DIDO1: variants seen among roughly 807,000 people sequenced by gnomAD.
DIDO1 encodes the protein death inducer-obliterator 1.
DIDO1 carries 16 observed loss-of-function variants against 99.4 expected under a neutral mutation model. That is an observed-to-expected ratio of 0.16 (90% CI 0.11 to 0.24). The LOEUF (loss-of-function observed/expected upper bound fraction) is 0.24, where lower values mean the gene tolerates loss of function less well. DIDO1 is among the 10% of genes least tolerant of loss of function. DIDO1 has a pLI of 1.00. For missense variants in DIDO1, 2,996 were observed against 3,014.0 expected, an observed-to-expected ratio of 0.99 and a Z score of 0.14; for synonymous variants, 1,366 against 1,239.1, an observed-to-expected ratio of 1.10 and a Z score of -2.15.
Position 62,879,478 on chromosome 20 carries a change from C to G in DIDO1, c.6478G>C (p.Glu2160Gln), listed in dbSNP as rs2064158655. Residue 2160 changes from glutamate (E) to glutamine (Q), a missense_variant, in exon 16 of 16, where the codon GAG (glutamate) becomes CAG (glutamine). Glu to Gln is a conservative substitution (Grantham distance 29). Coordinates refer to ENST00000395343, the MANE Select transcript of DIDO1 (RefSeq NM_001193369.2). The surrounding 1 kb of genome is among the most constrained non-coding windows in gnomAD (Gnocchi z 6.3). The part of the protein sequence containing the change: ...NRERSANRDR[E>Q]READRGKEWD... ...TCCTTGCCCCGGTCGGCCTCGCGCT[C>G]TCGGTCGCGGTTGGCGCTCCTCTCC... The G allele has an allele frequency of 6.3e-7, 1 of 1,583,158 alleles. No homozygotes were observed. The highest frequency in any genetic ancestry group is 8.5e-7 in the Non-Finnish European group (1 of 1,171,670).
chr20:62,902,696 C>G (rs2064710922), intron 6 of DIDO1, among the ~76,000 whole-genome samples: 1 of 152,256 alleles, frequency 6.6e-6, no homozygotes, highest in Non-Finnish European at 1.5e-5. Flanking sequence ...AGGGCCATCT[C>G]TGTGGCAGCA....
chr20:62,901,326 T>C (rs1172535597), intron 6 of DIDO1, among the ~76,000 whole-genome samples: 1 of 152,126 alleles, frequency 6.6e-6, no homozygotes, highest in Non-Finnish European at 1.5e-5. Context: ...TGGAGAGGTG[T>C]GTAATTCTCC....
At chr20:62,933,169 C>A (rs1185641177) in intron 1 of DIDO1, among the ~76,000 whole-genome samples, 1 of 152,208 alleles carries the variant, frequency 6.6e-6, no homozygotes. Context: ...CAAGATCGTG[C>A]CATTGCACTC....
Position 62,881,574 on chromosome 20 carries a change from G to A in DIDO1, c.4382C>T (p.Ala1461Val), listed in dbSNP as rs766320892. The change falls in exon 16 of 16, where the codon GCC (alanine) becomes GTC (valine). Residue 1461 changes from alanine to valine, a missense_variant. This residue lies in a region of DIDO1 where 1,562 missense variants were observed against 1,412.6 expected (regional missense o/e 1.11). Coordinates refer to ENST00000395343, the MANE Select transcript of DIDO1 (RefSeq NM_001193369.2). This position sits in a 1 kb window ranked among gnomAD's most constrained non-coding sequence, Gnocchi z 8.3. Reference protein sequence around the residue: ...DVRRNSVERPAEPVAGAATPS... With the variant: ...DVRRNSVERPVEPVAGAATPS... ...CGTCGCAGCCCCGGCCACCGGCTCGGCAGGCCTCTCCACGGAGTTCCTTCT... is the reference window on the plus strand; with the variant it reads ...CGTCGCAGCCCCGGCCACCGGCTCGACAGGCCTCTCCACGGAGTTCCTTCT... 1.2e-6 allele frequency: 2 copies of A among 1,611,242 alleles called. No individual in the cohort carries two copies. The highest frequency in any genetic ancestry group is 1.7e-6 in the Non-Finnish European group (2 of 1,180,014).
intron 15 of DIDO1, among the ~76,000 whole-genome samples, chr20:62,886,305 G>A (rs1405878546): frequency 1.7e-4 from 26 of 152,218 alleles, no homozygotes; most frequent in Admixed American, 1.7e-3. Flanking sequence ...CCCTCTGAAA[G>A]GCCAGAAGGC....
chr20:62,910,264 G>A (rs1032636914), intron 3 of DIDO1, among the ~76,000 whole-genome samples: 2 of 152,114 alleles, frequency 1.3e-5, no homozygotes, highest in African/African-American at 4.8e-5. Flanking sequence ...ACCTCAGCAA[G>A]TCTCCCCCCA....
intron 1 of DIDO1, among the ~76,000 whole-genome samples, chr20:62,924,113 T>C (rs1371228619): frequency 3.3e-5 from 5 of 152,246 alleles, no homozygotes; most frequent in Non-Finnish European, 7.3e-5. Context: ...TTCCATTAAC[T>C]GTTAATTATA....
At chr20:62,909,554 A>AC in intron 4 of DIDO1, 145 bp downstream of exon 4, 1 of 868,558 alleles carries the variant, frequency 1.2e-6, no homozygotes, top group Non-Finnish European at 1.8e-6. Context: ...GAAAGGCCTC[A>AC]CCCAGGTGGA....
chr20:62,898,214 A>G (rs1419576311), intron 6 of DIDO1, among the ~76,000 whole-genome samples: 1 of 152,228 alleles, frequency 6.6e-6, no homozygotes. Flanking sequence ...GGAAAGAGCC[A>G]AGACTCTACA....
chr20:62,893,443 G>A (rs183661852), intron 12 of DIDO1, among the ~76,000 whole-genome samples: 20 of 152,240 alleles, frequency 1.3e-4, no homozygotes, highest in African/African-American at 4.6e-4. Context: ...AAGTGAATAG[G>A]CAACAAAACT....
intron 1 of DIDO1, among the ~76,000 whole-genome samples, chr20:62,917,662 C>T (rs2065063461): frequency 6.6e-6 from 1 of 152,142 alleles, no homozygotes; most frequent in Non-Finnish European, 1.5e-5. Flanking sequence ...TATAACTTGA[C>T]ATTTAATCAC....
In DIDO1 at chr20:62,882,303, A is replaced by G. The variant is rs2064222944; in HGVS notation, c.3653T>C (p.Leu1218Pro). ...LDKMDEKRTR[L>P]QPEEADVPAY... Reference sequence around the variant, plus strand: ...CGGAACGTCCGCTTCTTCCGGTTGAAGTCGGGTCCGCTTTTCGTCCATCTT... The same window carrying G: ...CGGAACGTCCGCTTCTTCCGGTTGAGGTCGGGTCCGCTTTTCGTCCATCTT... Residue 1218 changes from leucine (L) to proline (P), a missense_variant, in exon 16 of 16, where the codon CTT becomes CCT. Physicochemically the swap from Leu to Pro is moderately conservative, Grantham distance 98. Transcript: ENST00000395343. 1 of 1,614,020 alleles carries G rather than the reference A, an allele frequency of 6.2e-7. No individual in the cohort carries two copies. Among genetic ancestry groups the G allele is most frequent in the Non-Finnish European group, 8.5e-7 (1 of 1,180,010 alleles).
intron 12 of DIDO1, among the ~76,000 whole-genome samples, chr20:62,893,252 C>G (rs1161867796): frequency 6.6e-6 from 1 of 152,186 alleles, no homozygotes; most frequent in Non-Finnish European, 1.5e-5. Flanking sequence ...TTTCAAACTC[C>G]TGGGCTCAAG....
In DIDO1 at chr20:62,911,708, CA is replaced by C. The variant is rs1481344863; in HGVS notation, c.-2-95del. On this transcript the variant is annotated intron_variant, in intron 2 of 15. Coordinates refer to ENST00000395343, the MANE Select transcript of DIDO1 (RefSeq NM_001193369.2). The surrounding 1 kb of genome is among the most constrained non-coding windows in gnomAD (Gnocchi z 7.0). ...ACGCGCAGCAGGGGCCACCTCCCTA[CA>C]AACAGTGGAGCTCTACATAAAGCAA... 1 of 1,129,520 alleles carries C rather than the reference CA, an allele frequency of 8.9e-7. No individual in the cohort carries two copies. Among genetic ancestry groups the C allele is most frequent in the Non-Finnish European group, 1.2e-6 (1 of 810,844 alleles). 70.0% of individuals were successfully genotyped at this position (1,129,520 alleles called of 1,614,324 possible).
intron 6 of DIDO1, among the ~76,000 whole-genome samples, chr20:62,902,894 G>A (rs575212273): frequency 6.6e-6 from 1 of 152,176 alleles, no homozygotes; most frequent in South Asian, 2.1e-4. Context: ...AGCCATTTAG[G>A]GAGACAAAAT....
In DIDO1 at chr20:62,906,036, T is replaced by C; in HGVS notation, c.1439A>G (p.Lys480Arg). ...CCGCGCAGGGACCACCACTGCCTTCTTCACTGTGGTCTCTTTTTTTTCTGG... is the reference window on the plus strand; with the variant it reads ...CCGCGCAGGGACCACCACTGCCTTCCTCACTGTGGTCTCTTTTTTTTCTGG... ...PAPEKKETTV[K>R]KAVVVPARSE... Residue 480 changes from lysine to arginine, a missense_variant, in exon 6 of 16, where the codon AAG becomes AGG. Transcript: ENST00000395343. 1.2e-6 allele frequency: 2 copies of C among 1,613,950 alleles called. No homozygotes were observed. Among genetic ancestry groups the C allele is most frequent in the Admixed American group, 1.7e-5 (1 of 60,036 alleles).
chr20:62,929,692 A>AAAAATATATATATATATAT, upstream of DIDO1, among the ~76,000 whole-genome samples: 11 of 63,710 alleles, frequency 1.7e-4, no homozygotes, highest in African/African-American at 6.9e-4. Context: ...AAAAAGAAAA[A>AAAAATATATATATATATAT]GTGTATATAT....
In DIDO1 at chr20:62,887,679, T is replaced by C. The variant is rs745660415; in HGVS notation, c.3541+3281A>G. The C allele has an allele frequency of 1.5e-3, 1,458 of 985,214 alleles. 1 individual carries two copies. The highest frequency in any genetic ancestry group is 1.6e-3 in the Non-Finnish European group (1,345 of 829,934). The allele number at this position is 985,214 out of a possible 1,614,324, so 61.0% of individuals were successfully genotyped here. ...AGGCATCTTGGCTGCGGTCCAGTCC[T>C]GTAAGGGCCCTGCACAGAACCCTAC... On this transcript the variant is annotated intron_variant, in intron 15 of 15. Coordinates refer to ENST00000395343, the MANE Select transcript of DIDO1 (RefSeq NM_001193369.2).
Position 62,880,505 on chromosome 20 carries a change from T to C in DIDO1, c.5451A>G (p.Pro1817=), listed in dbSNP as rs2064181474. 1.2e-6 allele frequency: 2 copies of C among 1,612,858 alleles called. No homozygotes were observed. Among genetic ancestry groups the C allele is most frequent in the Non-Finnish European group, 8.5e-7 (1 of 1,179,948 alleles). The part of the protein sequence containing the change: ...IPSLFSGQHG[P]PPYGDSRGPS... ...GGCCTCTGCTGTCCCCATAAGGAGG[T>C]GGCCCATGTTGCCCCGAGAATAAGG... The change falls in exon 16 of 16, where the codon CCA becomes CCG. Residue 1817 remains proline, a synonymous_variant. Transcript: ENST00000395343.
Sources: gnomAD v4.1 joint callset for allele counts (sites outside exome capture counted in the v4.1 genomes callset) on GRCh38, gnomAD v4.1.1 for gene constraint, gnomAD v4.1.1 regional missense constraint, Gnocchi (gnomAD v3.1) non-coding constraint, MANE v1.5 for transcripts, NCBI Gene and HGNC (gene_info 2026-07-23, HGNC 2026-07-21) for gene names.